ZNF618: variants seen among roughly 807,000 people sequenced by gnomAD.
The protein encoded by ZNF618 is neural precursor cell expressed, developmentally down-regulated 10.
Under a neutral mutation model 103.0 loss-of-function variants are expected in ZNF618, and 34 were observed. The ratio of observed to expected loss-of-function variants is 0.33; its 90% CI spans 0.25 to 0.44. The LOEUF (loss-of-function observed/expected upper bound fraction) is 0.44. Ranked by LOEUF, ZNF618 falls within the 20% of genes least tolerant of loss-of-function variation. ZNF618 has a pLI of 1.00. For synonymous variants in ZNF618, 551 were observed against 542.2 expected, an observed-to-expected ratio of 1.02 and a Z score of -0.23; for missense variants, 1,059 against 1,295.4, an observed-to-expected ratio of 0.82 and a Z score of 2.80.
intron 1 of ZNF618, among the ~76,000 whole-genome samples, chr9:113,953,103 G>A (rs964902494): frequency 2.6e-5 from 4 of 152,192 alleles, no homozygotes; most frequent in African/African-American, 9.7e-5. Flanking sequence ...AAGGCAATCG[G>A]CTTAAAGATG....
At chr9:113,979,966 A>T (rs981086785) in intron 2 of ZNF618, among the ~76,000 whole-genome samples, 3 of 152,116 alleles carry the variant, frequency 2.0e-5, no homozygotes, top group Non-Finnish European at 4.4e-5. Context: ...TGAGATGTTT[A>T]CAAGACAGGA....
chr9:113,912,906 G>A (rs1399930112), intron 1 of ZNF618, among the ~76,000 whole-genome samples: 1 of 152,066 alleles, frequency 6.6e-6, no homozygotes, highest in Non-Finnish European at 1.5e-5. Context: ...TTCTGGCCTG[G>A]GCTGTTTTGT....
intron 4 of ZNF618, among the ~76,000 whole-genome samples, chr9:114,000,076 C>T (rs1477067576): frequency 6.6e-6 from 1 of 152,152 alleles, no homozygotes; most frequent in East Asian, 1.9e-4. Context: ...TGTATTTTTC[C>T]CTGTGTGACA....
chr9:114,032,802 A>C lies in ZNF618; in HGVS notation c.1168+74A>C, dbSNP rs985349583. 7.3e-6 allele frequency: 10 copies of C among 1,362,138 alleles called. No individual in the cohort carries two copies. The African/African-American group carries it at 1.3e-4, about 18-fold the overall frequency. The allele number at this position is 1,362,138 out of a possible 1,614,324, so 84.4% of individuals were successfully genotyped here. ...CCCGCTCCCCCCTGGCAGCCGCGGC[A>C]GCATCCTGTGGGCTGGGGTCTTTGT... On this transcript the variant is annotated intron_variant, in intron 12 of 14. Transcript: ENST00000374126.
intron 1 of ZNF618, among the ~76,000 whole-genome samples, chr9:113,925,667 A>AT (rs1833027597): frequency 6.6e-6 from 1 of 151,818 alleles, no homozygotes; most frequent in African/African-American, 2.4e-5. Context: ...CATATCAATT[A>AT]TTTTTTAAAA....
intron 1 of ZNF618, among the ~76,000 whole-genome samples, chr9:113,919,433 C>T (rs1832436185): frequency 6.6e-6 from 1 of 152,182 alleles, no homozygotes; most frequent in African/African-American, 2.4e-5. Flanking sequence ...TTTGAGAAAG[C>T]CTGTGATAAT....
chr9:113,942,190 C>T (rs1325201249), intron 1 of ZNF618, among the ~76,000 whole-genome samples: 2 of 151,846 alleles, frequency 1.3e-5, no homozygotes, highest in African/African-American at 2.4e-5. Flanking sequence ...CTTCTCTGAG[C>T]CTCAATCTCC....
At chr9:113,922,297 T>A (rs1172026317) in intron 1 of ZNF618, among the ~76,000 whole-genome samples, 4 of 152,118 alleles carry the variant, frequency 2.6e-5, no homozygotes, top group Non-Finnish European at 4.4e-5. Flanking sequence ...TCTGAGAGTT[T>A]TGATCTCACT....
rs192138343 is a variant in ZNF618, at chr9:113,902,266, G to A, written c.33+25853G>A. Reference sequence around the variant, plus strand: ...GGGGCTGGTTCAGAGAACCCCATGTGGAGTTAGTTATGAAGATTAAATGAA... The same window carrying A: ...GGGGCTGGTTCAGAGAACCCCATGTAGAGTTAGTTATGAAGATTAAATGAA... On this transcript the variant is annotated intron_variant, in intron 1 of 14. Transcript: ENST00000374126. 3.1e-3 allele frequency among the ~76,000 whole-genome samples: 478 copies of A among 152,232 alleles called. 3 individuals are homozygous for A. The highest frequency in any genetic ancestry group is 3.4e-3 in the Non-Finnish European group (234 of 68,004).
chr9:113,925,607 T>C (rs1833022430), intron 1 of ZNF618, among the ~76,000 whole-genome samples: 4 of 152,094 alleles, frequency 2.6e-5, no homozygotes, highest in Admixed American at 2.6e-4. Context: ...TCCATTCTTT[T>C]TCTCCCTTCT....
chr9:113,891,003 A>G (rs1242617021), intron 1 of ZNF618, among the ~76,000 whole-genome samples: 1 of 151,670 alleles, frequency 6.6e-6, no homozygotes, highest in Non-Finnish European at 1.5e-5. Flanking sequence ...GATTTTGGAG[A>G]TATTGACTTT....
chr9:113,980,431 G>A (rs1376786248), intron 2 of ZNF618, among the ~76,000 whole-genome samples: 2 of 152,052 alleles, frequency 1.3e-5, no homozygotes, highest in African/African-American at 4.8e-5. Flanking sequence ...ACACCATGTA[G>A]TTAATATTTA....
chr9:113,918,024 ACTTAGTTGT>A (rs1832286144), intron 1 of ZNF618, among the ~76,000 whole-genome samples: 1 of 152,122 alleles, frequency 6.6e-6, no homozygotes, highest in South Asian at 2.1e-4. Context: ...CCCACATTGC[ACTTAGTTGT>A]CTTACCTCTT....
intron 1 of ZNF618, among the ~76,000 whole-genome samples, chr9:113,938,333 C>A (rs1201646786): frequency 3.8e-5 from 5 of 132,428 alleles, no homozygotes; most frequent in African/African-American, 1.4e-4. Flanking sequence ...ATCACCACAC[C>A]TGGCTAATTA....
intron 1 of ZNF618, among the ~76,000 whole-genome samples, chr9:113,887,093 T>C (rs578248676): frequency 6.6e-6 from 1 of 151,704 alleles, no homozygotes; most frequent in East Asian, 1.9e-4. Flanking sequence ...CTGCTCCTTT[T>C]ATAGTAGAGG....
chr9:113,921,681 C>G (rs1222309258), intron 1 of ZNF618, among the ~76,000 whole-genome samples: 4 of 152,220 alleles, frequency 2.6e-5, no homozygotes, highest in African/African-American at 9.6e-5. Flanking sequence ...GAAGAAGGAA[C>G]AGCTTCTGTT....
intron 1 of ZNF618, among the ~76,000 whole-genome samples, chr9:113,923,342 A>G (rs1832809686): frequency 6.6e-6 from 1 of 152,206 alleles, no homozygotes; most frequent in Admixed American, 6.5e-5. Flanking sequence ...AATAGGAATT[A>G]TGAGAGAGGA....
chr9:113,992,620 G>A (rs921680977), intron 3 of ZNF618, among the ~76,000 whole-genome samples: 2 of 151,686 alleles, frequency 1.3e-5, no homozygotes, highest in Non-Finnish European at 2.9e-5. Flanking sequence ...TCCGGGCTCA[G>A]AGACGGGCTC....
chr9:113,935,041 G>A (rs1833915307), intron 1 of ZNF618, among the ~76,000 whole-genome samples: 1 of 152,206 alleles, frequency 6.6e-6, no homozygotes, highest in South Asian at 2.1e-4. Flanking sequence ...TAAGACCCAG[G>A]GCCTGATTTA....
Sources: allele counts gnomAD v4.1 joint callset (sites outside exome capture counted in the v4.1 genomes callset), GRCh38; gene constraint gnomAD v4.1.1; transcripts MANE v1.5; gene names NCBI Gene and HGNC (gene_info 2026-07-23, HGNC 2026-07-21).